Variants in CPN1 observed in about 807,000 individuals in gnomAD.
The protein encoded by CPN1 is carboxypeptidase N catalytic chain.
Under a neutral mutation model 46.4 loss-of-function variants are expected in CPN1, and 37 were observed. The observed-to-expected ratio is 0.80, with a 90% CI of 0.61 to 1.05. CPN1 has a LOEUF of 1.05. CPN1 is among the 50% of genes least tolerant of loss of function. The pLI is 0.00. For missense variants in CPN1, 563 were observed against 602.6 expected, an observed-to-expected ratio of 0.93 and a Z score of 0.69; for synonymous variants, 224 against 235.4, an observed-to-expected ratio of 0.95 and a Z score of 0.44.
At chr10:100,053,513 T>C (rs556081441) in intron 7 of CPN1, among the ~76,000 whole-genome samples, 107 of 151,886 alleles carry the variant, frequency 7.0e-4, no homozygotes, top group African/African-American at 2.6e-3. Flanking sequence ...TAGTCCTAGC[T>C]ACATTGGAGG....
chr10:100,080,623 G>A (rs1212775137), intron 1 of CPN1, among the ~76,000 whole-genome samples: 1 of 152,182 alleles, frequency 6.6e-6, no homozygotes, highest in African/African-American at 2.4e-5. Context: ...GGCTAAGTGC[G>A]GTGGCTCACG....
At chr10:100,046,199 G>A (rs1037233788) in intron 8 of CPN1, among the ~76,000 whole-genome samples, 1 of 152,234 alleles carries the variant, frequency 6.6e-6, no homozygotes, top group African/African-American at 2.4e-5. Flanking sequence ...AGCACCAGAA[G>A]GGATGGTAGA....
At chr10:100,066,049 G>A (rs772222156) in intron 3 of CPN1, among the ~76,000 whole-genome samples, 9 of 149,394 alleles carry the variant, frequency 6.0e-5, no homozygotes, top group East Asian at 2.1e-4. Context: ...TCCACCTCCC[G>A]GACTCAAGCG....
chr10:100,076,250 C>T (rs1294985037), intron 1 of CPN1, 143 bp from the exon 2 acceptor site: 12 of 805,382 alleles, frequency 1.5e-5, no homozygotes, highest in Admixed American at 2.1e-5. Context: ...TCCCTGAGCC[C>T]CTTCCTAACC....
At chr10:100,075,136 A>C (rs995432091) in intron 2 of CPN1, among the ~76,000 whole-genome samples, 2 of 152,124 alleles carry the variant, frequency 1.3e-5, no homozygotes, top group Admixed American at 6.5e-5. Flanking sequence ...CTAAAACTAC[A>C]AAAAATTAGC....
chr10:100,071,349 G>A (rs143234912), intron 2 of CPN1, among the ~76,000 whole-genome samples: 2 of 152,318 alleles, frequency 1.3e-5, no homozygotes, highest in African/African-American at 4.8e-5. Context: ...TGGGCGGCAC[G>A]CTCTCTGGTC....
chr10:100,073,640 A>G (rs1255715725), intron 2 of CPN1, among the ~76,000 whole-genome samples: 1 of 121,914 alleles, frequency 8.2e-6, no homozygotes, highest in Non-Finnish European at 1.6e-5. Flanking sequence ...TTTGAGACAG[A>G]GTTTTGCTCT....
chr10:100,060,911 C>T (rs1487291681), intron 5 of CPN1, among the ~76,000 whole-genome samples: 1 of 152,022 alleles, frequency 6.6e-6, no homozygotes, highest in Admixed American at 6.6e-5. Context: ...CACATATACA[C>T]AATGGAGTAC....
chr10:100,074,609 G>C (rs1000606909), intron 2 of CPN1, among the ~76,000 whole-genome samples: 1 of 151,964 alleles, frequency 6.6e-6, no homozygotes, highest in Non-Finnish European at 1.5e-5. Context: ...TAGAGACAGG[G>C]TTTCTCCATG....
intron 7 of CPN1, among the ~76,000 whole-genome samples, chr10:100,051,638 C>T (rs1379427926): frequency 6.7e-6 from 1 of 149,610 alleles, no homozygotes; most frequent in Non-Finnish European, 1.5e-5. Flanking sequence ...AGCGATTCTC[C>T]TGCCTCAGCC....
intron 8 of CPN1, among the ~76,000 whole-genome samples, chr10:100,048,530 T>C (rs566233651): frequency 6.6e-6 from 1 of 152,098 alleles, no homozygotes; most frequent in South Asian, 2.1e-4. Context: ...AAATCCTTTT[T>C]CTAAAAAAAG....
At chr10:100,072,444 A>G (rs1179502955) in intron 2 of CPN1, among the ~76,000 whole-genome samples, 1 of 152,142 alleles carries the variant, frequency 6.6e-6, no homozygotes, top group African/African-American at 2.4e-5. Context: ...GCTGGGATTA[A>G]CAGACGTGAG....
At chr10:100,067,450 A>G (rs2041460332) in intron 3 of CPN1, among the ~76,000 whole-genome samples, 1 of 152,180 alleles carries the variant, frequency 6.6e-6, no homozygotes, top group South Asian at 2.1e-4. Flanking sequence ...ATTTACTTGA[A>G]CCAAGAGGAT....
At chr10:100,069,261 A>T (rs2041471282) in intron 3 of CPN1, among the ~76,000 whole-genome samples, 1 of 152,214 alleles carries the variant, frequency 6.6e-6, no homozygotes, top group South Asian at 2.1e-4. Context: ...AGGCAGGCAG[A>T]TCACGAAGTC....
chr10:100,045,468 TA>T (rs1377346263), intron 8 of CPN1, among the ~76,000 whole-genome samples: 31 of 152,308 alleles, frequency 2.0e-4, no homozygotes, highest in Admixed American at 2.0e-4. Flanking sequence ...GAGATGGGAC[TA>T]GGGGAGGGGA....
chr10:100,048,918 T>A (rs1269731837), intron 7 of CPN1, 42 bp from the exon 8 acceptor site: 1 of 1,501,562 alleles, frequency 6.7e-7, no homozygotes, highest in African/African-American at 1.4e-5. Context: ...TGATTAAAAA[T>A]CTGTCCCAAA....
chr10:100,081,680 A>C lies in CPN1; in HGVS notation c.-55T>G, dbSNP rs893376063. 2.0e-5 allele frequency: 30 copies of C among 1,474,044 alleles called. No homozygotes were observed. Among genetic ancestry groups the C allele is most frequent in the East Asian group, 9.4e-5 (4 of 42,730 alleles). 91.3% of individuals were successfully genotyped at this position (1,474,044 alleles called of 1,614,324 possible). A position where few individuals can be genotyped will look rare whatever the true frequency, so the allele number is the denominator to read the frequency against. On this transcript the variant is annotated 5_prime_UTR_variant, in exon 1 of 9. Transcript: ENST00000370418. ...GAAACGCGCCCCACCTCCTTAAACA[A>C]CCTAGCCTCTTCACCCGCCAAAATC...
intron 5 of CPN1, among the ~76,000 whole-genome samples, chr10:100,062,118 A>T (rs2041422399): frequency 6.6e-6 from 1 of 152,122 alleles, no homozygotes; most frequent in African/African-American, 2.4e-5. Flanking sequence ...CTCAGTTCTC[A>T]CCAATCTGCT....
chr10:100,055,725 T>C (rs1328700914), intron 6 of CPN1, among the ~76,000 whole-genome samples: 3 of 152,122 alleles, frequency 2.0e-5, no homozygotes, highest in Non-Finnish European at 2.9e-5. Context: ...GGTTTCTCCA[T>C]GTTGGTCAGG....
Sources: allele counts gnomAD v4.1 joint callset (sites outside exome capture counted in the v4.1 genomes callset), GRCh38; gene constraint gnomAD v4.1.1; transcripts MANE v1.5; gene names NCBI Gene and HGNC (gene_info 2026-07-23, HGNC 2026-07-21).